The following COX15 variants were observed in gnomAD, a reference collection of about 807,000 sequenced individuals.
COX15 encodes the protein cytochrome c oxidase assembly factor COX15.
A neutral mutation model predicts 51.9 loss-of-function variants in COX15; 51 were observed. The observed-to-expected ratio is 0.98, with a 90% CI of 0.78 to 1.24. The LOEUF is 1.24. Ranked by LOEUF, COX15 falls within the 50% of genes most tolerant of loss-of-function variation. The pLI, the probability that COX15 is intolerant of heterozygous loss-of-function variation, is 0.00. For synonymous variants in COX15, 188 were observed against 190.5 expected (o/e 0.99, Z 0.11); for missense variants, 420 against 501.1 (o/e 0.84, Z 1.55).
downstream of COX15, chr10:99,709,025 A>G (rs2036306512): frequency 7.1e-6 from 7 of 984,340 alleles, no homozygotes; most frequent in Non-Finnish European, 8.4e-6. Context: ...AATAGTGCCA[A>G]GTTTTCACTA....
At position 99,711,250 on chromosome 10, in the gene COX15, T is replaced by C. The variant is rs188763411; in HGVS notation, c.*3337A>G. ...AACATCTGAAACCTTAACTTACTCA[T>C]GAGTTGCTACTTCCTTGGAGGCAAC... On this transcript the variant is annotated 3_prime_UTR_variant, in exon 9 of 9. Transcript: ENST00000016171. 1.0e-5 allele frequency: 10 copies of C among 985,390 alleles called. No homozygotes were observed. Among genetic ancestry groups the C allele is most frequent in the Admixed American group, 6.1e-5 (1 of 16,288 alleles). 61.0% of individuals were successfully genotyped at this position (985,390 alleles called of 1,614,324 possible). A position where few individuals can be genotyped will look rare whatever the true frequency, so the allele number is the denominator to read the frequency against.
Position 99,722,691 on chromosome 10 carries a change from G to A in COX15, c.750+1265C>T, listed in dbSNP as rs550416645. ...CTACTAAAAATACAGAAAATTAGCC[G>A]AGCATGGTGGTGTGCGCCTGTAGTC... On this transcript the variant is annotated intron_variant, in intron 5 of 8. Coordinates refer to ENST00000016171, the MANE Select transcript of COX15 (RefSeq NM_078470.6). 2.1e-4 allele frequency among the ~76,000 whole-genome samples: 32 copies of A among 151,998 alleles called. 1 individual carries two copies. In the South Asian group the frequency reaches 4.2e-3, roughly 20 times the overall value.
chr10:99,707,789 A>T (rs2036281770), downstream of COX15, among the ~76,000 whole-genome samples: 3 of 152,186 alleles, frequency 2.0e-5, no homozygotes, highest in South Asian at 6.2e-4. Context: ...TATGTAAAAT[A>T]CCCATTTATG....
chr10:99,696,072 C>T, the COX15 span: 23 of 1,613,998 alleles, frequency 1.4e-5, no homozygotes, highest in Non-Finnish European at 1.6e-5. Context: ...GCAACTTTGC[C>T]CGGCAGCGCT....
At chr10:99,719,511 G>A (rs2036691137) in intron 6 of COX15, among the ~76,000 whole-genome samples, 1 of 150,544 alleles carries the variant, frequency 6.6e-6, no homozygotes, top group Non-Finnish European at 1.5e-5. Context: ...CTTTTTTTGA[G>A]TCAGGGTCTT....
chr10:99,705,777 A>T, the COX15 span: 2 of 152,262 alleles, frequency 1.3e-5, no homozygotes, highest in Non-Finnish European at 2.9e-5. Flanking sequence ...TCAATCTGTT[A>T]ATAAGCCATC....
the COX15 span, among the ~76,000 whole-genome samples, chr10:99,700,426 G>T: frequency 1.1e-5 from 1 of 90,984 alleles, no homozygotes; most frequent in Non-Finnish European, 2.5e-5. Context: ...GTGTGTGTGT[G>T]TGTGTGTGTG....
Position 99,714,249 on chromosome 10 carries a change from A to G in COX15, c.*338T>C. The G allele has an allele frequency of 8.6e-7, 1 of 1,160,732 alleles. No individual in the cohort carries two copies. The highest frequency in any genetic ancestry group is 1.1e-6 in the Non-Finnish European group (1 of 930,288). The allele number at this position is 1,160,732 out of a possible 1,614,324, so 71.9% of individuals were successfully genotyped here. On this transcript the variant is annotated 3_prime_UTR_variant, in exon 9 of 9. Coordinates refer to ENST00000016171, the MANE Select transcript of COX15 (RefSeq NM_078470.6). The stretch of plus-strand genomic sequence containing the variant: ...GGCAGAATTAAGGACTCAGGAGAAC[A>G]TCCACGTAGAAATCATCCACGTAGA...
In COX15 at chr10:99,727,494, T is replaced by C. The variant is rs1422420766; in HGVS notation, c.342A>G (p.Gln114=). 6.2e-7 allele frequency: 1 copy of C among 1,613,958 alleles called. No homozygotes were observed. The change falls in exon 3 of 9, where the codon CAA becomes CAG. Residue 114 remains glutamine (Q), a synonymous_variant. Coordinates refer to ENST00000016171, the MANE Select transcript of COX15 (RefSeq NM_078470.6). Reference sequence around the variant, plus strand: ...TTTGGAATTCTGCTTCCCATTCCTCTTGGCTTGTAGGTGGCTTCATCTCCT... The same window carrying C: ...TTTGGAATTCTGCTTCCCATTCCTCCTGGCTTGTAGGTGGCTTCATCTCCT... ...LIKEMKPPTS[Q]EEWEAEFQRY...
At chr10:99,698,114 T>C in the COX15 span, among the ~76,000 whole-genome samples, 1 of 152,130 alleles carries the variant, frequency 6.6e-6, no homozygotes, top group African/African-American at 2.4e-5. Context: ...GCCACTGCCG[T>C]GGTCTGCTCT....
chr10:99,695,760 G>A, the COX15 span, among the ~76,000 whole-genome samples: 2 of 152,082 alleles, frequency 1.3e-5, no homozygotes, highest in Non-Finnish European at 2.9e-5. Context: ...TCTTAATTTA[G>A]TGTCTAATTT....
downstream of COX15, chr10:99,709,869 T>C (rs2036330034): frequency 2.0e-6 from 2 of 985,438 alleles, no homozygotes; most frequent in Non-Finnish European, 2.4e-6. Context: ...AACACACCAG[T>C]TGACCATTTT....
At chr10:99,731,816 C>T in intron 1 of COX15, 144 bp downstream of exon 1, 2 of 1,045,928 alleles carry the variant, frequency 1.9e-6, no homozygotes, top group Non-Finnish European at 2.8e-6. Context: ...AGATCTGAAC[C>T]TAGGGGCTCT....
intron 1 of COX15, 143 bp downstream of exon 1, chr10:99,731,817 T>C (rs1211241709): frequency 9.6e-7 from 1 of 1,043,258 alleles, no homozygotes; most frequent in Non-Finnish European, 1.4e-6. Flanking sequence ...GATCTGAACC[T>C]AGGGGCTCTG....
the COX15 span, chr10:99,695,964 T>C: frequency 1.2e-6 from 2 of 1,612,878 alleles, no homozygotes; most frequent in African/African-American, 1.3e-5. Flanking sequence ...AGGAAGAAGC[T>C]GCCAAGATCC....
chr10:99,700,745 G>A, the COX15 span: 2 of 575,934 alleles, frequency 3.5e-6, no homozygotes, highest in South Asian at 2.1e-5. Context: ...CCCCTCTGAA[G>A]CCTAAGAGGC....
chr10:99,727,347 A>G (rs1394227224), intron 3 of COX15, 94 bp downstream of exon 3: 8 of 1,559,892 alleles, frequency 5.1e-6, no homozygotes, highest in Non-Finnish European at 7.0e-6. Context: ...ACTGAACCGA[A>G]GTTCATGAAA....
Position 99,711,028 on chromosome 10 carries a change from T to C in COX15, c.*3559A>G. 3.0e-6 allele frequency: 3 copies of C among 985,308 alleles called. No homozygotes were observed. The highest frequency in any genetic ancestry group is 3.6e-6 in the Non-Finnish European group (3 of 829,836). The allele number at this position is 985,308 out of a possible 1,614,324, so 61.0% of individuals were successfully genotyped here. On this transcript the variant is annotated 3_prime_UTR_variant, in exon 9 of 9. Coordinates refer to ENST00000016171, the MANE Select transcript of COX15 (RefSeq NM_078470.6). ...TATTTGGAACATCAATCTGTAATTA[T>C]CCATTTTCCATTCATGCATTCACTA...
At chr10:99,727,201 C>T in intron 3 of COX15, 47 bp from the exon 4 acceptor site, 1 of 1,592,430 alleles carries the variant, frequency 6.3e-7, no homozygotes, top group Non-Finnish European at 8.6e-7. Context: ...AAACATCCTT[C>T]TGATTTTTAT....
Sources: gnomAD v4.1 joint callset for allele counts (sites outside exome capture counted in the v4.1 genomes callset) on GRCh38, gnomAD v4.1.1 for gene constraint, MANE v1.5 for transcripts, NCBI Gene and HGNC (gene_info 2026-07-23, HGNC 2026-07-21) for gene names.